Variants in MPHOSPH9 observed in about 807,000 individuals in gnomAD.
The protein encoded by MPHOSPH9 is M-phase phosphoprotein 9.
Under a neutral mutation model 145.5 loss-of-function variants are expected in MPHOSPH9, and 88 were observed. That is an observed-to-expected ratio of 0.60 (90% CI 0.51 to 0.72). MPHOSPH9 has a LOEUF of 0.72. Among genes scored for constraint, MPHOSPH9 ranks in the 30% least tolerant of loss-of-function variants. The pLI, the probability that MPHOSPH9 is intolerant of heterozygous loss-of-function variation, is 0.00. For synonymous variants in MPHOSPH9, 435 were observed against 486.2 expected, an observed-to-expected ratio of 0.89 and a Z score of 1.39; for missense variants, 1,238 against 1,386.6, an observed-to-expected ratio of 0.89 and a Z score of 1.70.
At chr12:123,174,518 G>A (rs1288073124) in intron 16 of MPHOSPH9, among the ~76,000 whole-genome samples, 7 of 151,868 alleles carry the variant, frequency 4.6e-5, no homozygotes, top group Admixed American at 4.6e-4. Flanking sequence ...GACTACAGGC[G>A]CCCGCCACCA....
At position 123,218,446 on chromosome 12, in the gene MPHOSPH9, G is replaced by T; in HGVS notation, c.926C>A (p.Ala309Glu). The T allele has an allele frequency of 6.2e-7, 1 of 1,613,798 alleles. No individual in the cohort carries two copies. The highest frequency in any genetic ancestry group is 1.1e-5 in the South Asian group (1 of 91,072). Reference sequence around the variant, plus strand: ...TCTTGAACCTCCATCTTCTACATGTGCTCTCTTTGGTTGGTTCTGCTTCAG... The same window carrying T: ...TCTTGAACCTCCATCTTCTACATGTTCTCTCTTTGGTTGGTTCTGCTTCAG... ...QKLKQNQPKR[A>E]HVEDGGSRSK... Residue 309 changes from alanine to glutamate, a missense_variant, in exon 6 of 24, where the codon GCA becomes GAA. By Grantham distance (107) the Ala-to-Glu change is moderately radical (BLOSUM62 -1). Transcript: ENST00000606320.
At chr12:123,220,253 T>A (rs548776257) in intron 5 of MPHOSPH9, among the ~76,000 whole-genome samples, 1 of 150,310 alleles carries the variant, frequency 6.7e-6, no homozygotes, top group Non-Finnish European at 1.5e-5. Context: ...ACATACAGAC[T>A]AGAAAAAAGA....
At chr12:123,171,996 CGTTTACTAT>C (rs1237053630) in intron 16 of MPHOSPH9, among the ~76,000 whole-genome samples, 1 of 152,168 alleles carries the variant, frequency 6.6e-6, no homozygotes, top group Non-Finnish European at 1.5e-5. Flanking sequence ...CGTTTTCATA[CGTTTACTAT>C]GTTTGCATGA....
intron 16 of MPHOSPH9, among the ~76,000 whole-genome samples, chr12:123,176,430 G>A (rs1301378242): frequency 6.6e-6 from 1 of 152,132 alleles, no homozygotes; most frequent in Non-Finnish European, 1.5e-5. Flanking sequence ...AAAGGTAAGT[G>A]ACTTGCCTAA....
In MPHOSPH9 at chr12:123,202,152, T is replaced by G. The variant is rs763294885; in HGVS notation, c.1937+12A>C. 5.6e-6 allele frequency: 9 copies of G among 1,595,196 alleles called. No homozygotes were observed. Among genetic ancestry groups the G allele is most frequent in the Non-Finnish European group, 7.7e-6 (9 of 1,174,022 alleles). ...GGTGGAGAAAACTTCACAGCTAAAT[T>G]ATAAATTTTACCTGTCTACAAGAAT... On this transcript the variant is annotated intron_variant, in intron 11 of 23. Coordinates refer to ENST00000606320, the MANE Select transcript of MPHOSPH9 (RefSeq NM_022782.4).
At chr12:123,165,716 C>G in intron 17 of MPHOSPH9, 1 of 391,784 alleles carries the variant, frequency 2.6e-6, no homozygotes, top group East Asian at 3.8e-5. Flanking sequence ...TGCACACACA[C>G]CAAGGAAAGG....
At chr12:123,176,638 A>G in intron 16 of MPHOSPH9, 50 bp downstream of exon 16, 1 of 1,380,892 alleles carries the variant, frequency 7.2e-7, no homozygotes, top group Non-Finnish European at 1.0e-6. Context: ...CGTCTTAATA[A>G]AAGCATGCAC....
chr12:123,212,697 G>A (rs1183970259), intron 7 of MPHOSPH9, among the ~76,000 whole-genome samples: 4 of 82,172 alleles, frequency 4.9e-5, no homozygotes, highest in African/African-American at 1.7e-4. Context: ...GGCAACAAGA[G>A]CAAAACTCTG....
At chr12:123,181,704 C>T (rs1431870600) in intron 13 of MPHOSPH9, among the ~76,000 whole-genome samples, 1 of 151,932 alleles carries the variant, frequency 6.6e-6, no homozygotes, top group African/African-American at 2.4e-5. Context: ...GTACTCTAAC[C>T]TGGGGGACAA....
chr12:123,193,443 T>C (rs1255316697), intron 13 of MPHOSPH9, among the ~76,000 whole-genome samples: 1 of 152,100 alleles, frequency 6.6e-6, no homozygotes, highest in Non-Finnish European at 1.5e-5. Flanking sequence ...ACAGCCTAAA[T>C]ACTTTCAGAT....
chr12:123,193,687 C>A (rs956878968), intron 13 of MPHOSPH9, among the ~76,000 whole-genome samples: 2 of 152,136 alleles, frequency 1.3e-5, no homozygotes, highest in East Asian at 3.8e-4. Context: ...CAATGTTATA[C>A]AAATCCAAAT....
intron 13 of MPHOSPH9, among the ~76,000 whole-genome samples, chr12:123,190,446 G>A (rs181495837): frequency 2.3e-4 from 35 of 152,170 alleles, no homozygotes; most frequent in Admixed American, 2.3e-3. Context: ...CACCACACCC[G>A]GCCGGAGTAT....
At chr12:123,243,252 T>G (rs969430066) in intron 1 of MPHOSPH9, among the ~76,000 whole-genome samples, 5 of 149,714 alleles carry the variant, frequency 3.3e-5, no homozygotes, top group Admixed American at 1.3e-4. Context: ...TTTTTTTGGC[T>G]GGGCGCAATG....
chr12:123,186,224 T>C (rs1169788223), intron 13 of MPHOSPH9, among the ~76,000 whole-genome samples: 1 of 55,700 alleles, frequency 1.8e-5, no homozygotes, highest in Admixed American at 2.4e-4. Context: ...CAAAACTCCG[T>C]CTCAAAAAAA....
Position 123,165,311 on chromosome 12 carries a change from T to C in MPHOSPH9, c.2758A>G (p.Thr920Ala). 6.2e-7 allele frequency: 1 copy of C among 1,612,906 alleles called. No homozygotes were observed. Residue 920 changes from threonine to alanine, a missense_variant, in exon 18 of 24, where the codon ACC (threonine) becomes GCC (alanine). This residue lies in a region of MPHOSPH9 where 393 missense variants were observed against 462.5 expected (regional missense o/e 0.85). Transcript: ENST00000606320. ...NWGTQTEKED[T>A]SNINPRQTET... ...ACAAGGAAATACTCACTATTTGAGG[T>C]GTCCTCTTTCTCTGTCTGTGTCCCC...
chr12:123,182,240 TTTTTTTGTG>T (rs1452840626), intron 13 of MPHOSPH9, among the ~76,000 whole-genome samples: 145 of 81,516 alleles, frequency 1.8e-3, no homozygotes, highest in African/African-American at 3.9e-3. Flanking sequence ...TGCCCGGTGT[TTTTTTTGTG>T]TTTTTTTTTT....
chr12:123,241,993 C>CT (rs2047946480), intron 1 of MPHOSPH9, among the ~76,000 whole-genome samples: 1 of 152,222 alleles, frequency 6.6e-6, no homozygotes, highest in Admixed American at 6.5e-5. Flanking sequence ...CCATCCTCAG[C>CT]TATCACATGT....
intron 13 of MPHOSPH9, among the ~76,000 whole-genome samples, chr12:123,187,406 G>A (rs760922787): frequency 2.0e-5 from 3 of 152,002 alleles, no homozygotes; most frequent in Admixed American, 2.0e-4. Context: ...TTTAAACCAC[G>A]TTCATGTATG....
chr12:123,207,716 G>A (rs1031079147), intron 8 of MPHOSPH9, among the ~76,000 whole-genome samples: 1 of 152,040 alleles, frequency 6.6e-6, no homozygotes, highest in African/African-American at 2.4e-5. Context: ...AGCTGGGCAT[G>A]ATGGCAGGTG....
Sources: gnomAD v4.1 joint callset for allele counts (sites outside exome capture counted in the v4.1 genomes callset) on GRCh38, gnomAD v4.1.1 for gene constraint, gnomAD v4.1.1 regional missense constraint, MANE v1.5 for transcripts, NCBI Gene and HGNC (gene_info 2026-07-23, HGNC 2026-07-21) for gene names.